The following USP36 variants were observed in gnomAD, a reference collection of about 807,000 sequenced individuals.
USP36 encodes the protein ubiquitin carboxyl-terminal hydrolase 36.
Under a neutral mutation model 111.5 loss-of-function variants are expected in USP36, and 59 were observed. The observed-to-expected ratio is 0.53, with a 90% CI of 0.43 to 0.66. The LOEUF is 0.66. USP36 is among the 30% of genes least tolerant of loss of function. The probability of loss-of-function intolerance (pLI) is 0.00; values close to 1 mark genes in which losing one functional copy is unlikely to be tolerated. For synonymous variants in USP36, 628 were observed against 581.0 expected, an observed-to-expected ratio of 1.08 and a Z score of -1.16; for missense variants, 1,488 against 1,468.0, an observed-to-expected ratio of 1.01 and a Z score of -0.22.
intron 6 of USP36, among the ~76,000 whole-genome samples, chr17:78,823,544 G>A (rs1487112821): frequency 6.6e-6 from 1 of 152,200 alleles, no homozygotes; most frequent in Admixed American, 6.5e-5. Flanking sequence ...GAACAGCTGG[G>A]CAAGAATGGA....
At chr17:78,825,058 C>T (rs994775502) in intron 6 of USP36, among the ~76,000 whole-genome samples, 3 of 152,170 alleles carry the variant, frequency 2.0e-5, no homozygotes, top group Non-Finnish European at 4.4e-5. Context: ...TTCCAGTAAT[C>T]ATGGACTTAA....
intron 3 of USP36, 150 bp from the exon 4 acceptor site, chr17:78,835,651 A>G: frequency 2.3e-6 from 2 of 862,950 alleles, no homozygotes; most frequent in Non-Finnish European, 3.5e-6. Flanking sequence ...TTTACAGGAC[A>G]TTCCTGGAAA....
chr17:78,791,573 T>G (rs1044112703), downstream of USP36, among the ~76,000 whole-genome samples: 1 of 152,204 alleles, frequency 6.6e-6, no homozygotes, highest in African/African-American at 2.4e-5. Flanking sequence ...AACAAGCACA[T>G]TTTTAATCTC....
intron 1 of USP36, 21 bp downstream of exon 1, chr17:78,840,715 C>G (rs985351171): frequency 5.2e-5 from 8 of 152,662 alleles, no homozygotes; most frequent in South Asian, 2.1e-4. Flanking sequence ...TGCGCACCGC[C>G]CCGACCCGAC....
chr17:78,791,376 C>T (rs1257224165), downstream of USP36, among the ~76,000 whole-genome samples: 3 of 152,118 alleles, frequency 2.0e-5, no homozygotes, highest in Non-Finnish European at 4.4e-5. Flanking sequence ...GCCTAGGCCT[C>T]CCAAAGTGCT....
intron 10 of USP36, 147 bp downstream of exon 10, chr17:78,818,520 A>C: frequency 1.5e-6 from 1 of 670,476 alleles, no homozygotes; most frequent in East Asian, 2.8e-5. Context: ...TACAGTCCCT[A>C]CTTCACAATA....
chr17:78,835,946 C>G, intron 3 of USP36, 165 bp downstream of exon 3: 1 of 1,001,552 alleles, frequency 1.0e-6, no homozygotes, highest in Non-Finnish European at 1.4e-6. Flanking sequence ...TGCTACCAAC[C>G]CTGTATCATT....
At chr17:78,819,548 G>A (rs1010766900) in intron 9 of USP36, among the ~76,000 whole-genome samples, 2 of 152,232 alleles carry the variant, frequency 1.3e-5, no homozygotes, top group Admixed American at 6.5e-5. Flanking sequence ...CAGTCCCTGG[G>A]GCGGCCGCCC....
At chr17:78,813,690 A>AC (rs1491228181) in intron 12 of USP36, 83 bp downstream of exon 12, 1 of 1,264,716 alleles carries the variant, frequency 7.9e-7, no homozygotes, top group African/African-American at 1.5e-5. Context: ...TTACCTTCAA[A>AC]CAAAAAAAGG....
intron 10 of USP36, among the ~76,000 whole-genome samples, chr17:78,817,062 T>C (rs1463470612): frequency 1.3e-5 from 2 of 152,210 alleles, no homozygotes; most frequent in East Asian, 3.8e-4. Context: ...AAGATTATAA[T>C]ACTGCATTTT....
chr17:78,813,255 G>A (rs2094109782), intron 12 of USP36, among the ~76,000 whole-genome samples: 1 of 112,870 alleles, frequency 8.9e-6, no homozygotes, highest in African/African-American at 3.0e-5. Context: ...AGAGTTCAAT[G>A]CACCAGAAAG....
rs755975657 is a variant in USP36, at chr17:78,804,001, G to A, written c.2217-23C>T. 3.3e-6 allele frequency: 5 copies of A among 1,522,354 alleles called. No homozygotes were observed. The African/African-American group carries it at 5.5e-5, about 17-fold the overall frequency. The allele number at this position is 1,522,354 out of a possible 1,614,324, so 94.3% of individuals were successfully genotyped here. Reference sequence around the variant, plus strand: ...GCCCTGTGGGGACAGCCAGGAAACAGGGAGAGGATGTTCTGAAAGACCCAG... The same window carrying A: ...GCCCTGTGGGGACAGCCAGGAAACAAGGAGAGGATGTTCTGAAAGACCCAG... On this transcript the variant is annotated intron_variant, in intron 15 of 20. Coordinates refer to ENST00000449938, the MANE Select transcript of USP36 (RefSeq NM_001385174.1).
chr17:78,818,394 C>G (rs2094237886), intron 10 of USP36, among the ~76,000 whole-genome samples: 1 of 152,168 alleles, frequency 6.6e-6, no homozygotes, highest in African/African-American at 2.4e-5. Flanking sequence ...GCCCTGTCCT[C>G]CAGAGATTCA....
At chr17:78,812,792 CAA>C in intron 13 of USP36, 66 bp downstream of exon 13, 10 of 1,574,568 alleles carry the variant, frequency 6.4e-6, no homozygotes, top group Non-Finnish European at 8.7e-6. Flanking sequence ...GCCAACTTCC[CAA>C]GTGTGAGGAG....
intron 15 of USP36, 32 bp from the exon 16 acceptor site, chr17:78,804,010 T>A (rs777618240): frequency 2.8e-5 from 42 of 1,497,964 alleles, no homozygotes; most frequent in Non-Finnish European, 3.7e-5. Flanking sequence ...AGGGAGAGGA[T>A]GTTCTGAAAG....
downstream of USP36, among the ~76,000 whole-genome samples, chr17:78,791,127 T>G (rs910538292): frequency 1.1e-3 from 154 of 141,712 alleles, no homozygotes; most frequent in Non-Finnish European, 2.1e-3. Flanking sequence ...CAATCTGGCC[T>G]TCTTTTTTTT....
intron 4 of USP36, among the ~76,000 whole-genome samples, chr17:78,829,380 G>T (rs1016223226): frequency 6.6e-6 from 1 of 152,160 alleles, no homozygotes; most frequent in African/African-American, 2.4e-5. Context: ...ATGTATTCTC[G>T]AATTTCTAAG....
At chr17:78,800,729 A>G (rs912009026) in intron 17 of USP36, among the ~76,000 whole-genome samples, 3 of 152,110 alleles carry the variant, frequency 2.0e-5, no homozygotes, top group Non-Finnish European at 2.9e-5. Context: ...GGTGCACAGG[A>G]CTGCAAGAGC....
chr17:78,803,984 G>T lies in USP36; in HGVS notation c.2217-6C>A, dbSNP rs755292071. 3.8e-6 allele frequency: 6 copies of T among 1,570,570 alleles called. No homozygotes were observed. Among genetic ancestry groups the T allele is most frequent in the Non-Finnish European group, 5.2e-6 (6 of 1,160,626 alleles). On this transcript the variant is annotated splice_region_variant and splice_polypyrimidine_tract_variant and intron_variant, in intron 15 of 20. Coordinates refer to ENST00000449938, the MANE Select transcript of USP36 (RefSeq NM_001385174.1). The surrounding 1 kb of genome is among the most constrained non-coding windows in gnomAD (Gnocchi z 4.6). The stretch of plus-strand genomic sequence containing the variant: ...GGGGAGCAGGTGACACAGCCCTGTG[G>T]GGACAGCCAGGAAACAGGGAGAGGA...
Sources: allele counts gnomAD v4.1 joint callset (sites outside exome capture counted in the v4.1 genomes callset), GRCh38; gene constraint gnomAD v4.1.1; non-coding constraint Gnocchi (gnomAD v3.1); transcripts MANE v1.5; gene names NCBI Gene and HGNC (gene_info 2026-07-23, HGNC 2026-07-21).